ZFPM2: variants seen among roughly 807,000 people sequenced by gnomAD.
The protein encoded by ZFPM2 is zinc finger protein, FOG family member 2, also known as zinc finger protein ZFPM2.
ZFPM2 carries 20 observed loss-of-function variants against 98.6 expected under a neutral mutation model. The ratio of observed to expected loss-of-function variants is 0.20; its 90% CI spans 0.14 to 0.29. The LOEUF (loss-of-function observed/expected upper bound fraction) is 0.29. ZFPM2 is among the 10% of genes least tolerant of loss of function. The probability of loss-of-function intolerance (pLI) is 1.00; values close to 1 mark genes in which losing one functional copy is unlikely to be tolerated. For synonymous variants in ZFPM2, 518 were observed against 502.7 expected, an observed-to-expected ratio of 1.03 and a Z score of -0.41; for missense variants, 1,310 against 1,388.6, an observed-to-expected ratio of 0.94 and a Z score of 0.90.
rs1200657506 is a variant in ZFPM2 at position 105,320,359 on chromosome 8, G to C, written c.40+1378G>C. Among the ~76,000 whole-genome samples, 3 of 149,902 alleles carry C rather than the reference G, an allele frequency of 2.0e-5. No homozygotes were observed. In the East Asian group the frequency reaches 5.9e-4, roughly 29 times the overall value. On this transcript the variant is annotated intron_variant, in intron 1 of 7. Transcript: ENST00000407775. Reference sequence around the variant, plus strand: ...CTTCGATTCCTTCTCTTATACTTCAGTTCTCACTCTATGCAACTTGGGTTA... The same window carrying C: ...CTTCGATTCCTTCTCTTATACTTCACTTCTCACTCTATGCAACTTGGGTTA...
intron 5 of ZFPM2, among the ~76,000 whole-genome samples, chr8:105,721,769 T>C (rs1476352760): frequency 1.3e-5 from 2 of 151,946 alleles, no homozygotes; most frequent in Admixed American, 1.3e-4. Flanking sequence ...CTTAAGTAAT[T>C]TTCTCAGAAA....
chr8:105,789,524 G>T (rs1813533398), intron 6 of ZFPM2, among the ~76,000 whole-genome samples: 1 of 152,066 alleles, frequency 6.6e-6, no homozygotes, highest in Non-Finnish European at 1.5e-5. Context: ...TTCCTATTGT[G>T]AATAGTGCTG....
intron 3 of ZFPM2, among the ~76,000 whole-genome samples, chr8:105,527,181 C>T (rs1047808567): frequency 5.3e-5 from 8 of 152,170 alleles, no homozygotes; most frequent in African/African-American, 1.4e-4. Flanking sequence ...TTCTTAGGGA[C>T]GAGGTATGAT....
chr8:105,474,514 C>CT (rs1812974635), intron 3 of ZFPM2, among the ~76,000 whole-genome samples: 1 of 151,820 alleles, frequency 6.6e-6, no homozygotes, highest in Non-Finnish European at 1.5e-5. Flanking sequence ...CTCCTTTTTG[C>CT]TTTTCCTGTC....
intron 5 of ZFPM2, among the ~76,000 whole-genome samples, chr8:105,750,920 A>G (rs1490495371): frequency 6.6e-6 from 1 of 152,130 alleles, no homozygotes; most frequent in African/African-American, 2.4e-5. Flanking sequence ...CACCCAGGAT[A>G]TGTTAACACT....
intron 3 of ZFPM2, among the ~76,000 whole-genome samples, chr8:105,559,760 A>G (rs1815088238): frequency 6.6e-6 from 1 of 152,178 alleles, no homozygotes; most frequent in African/African-American, 2.4e-5. Flanking sequence ...AAGAAGAGAT[A>G]GAATTGAACT....
intron 2 of ZFPM2, among the ~76,000 whole-genome samples, chr8:105,429,605 C>G (rs1278012632): frequency 6.6e-6 from 1 of 151,198 alleles, no homozygotes; most frequent in African/African-American, 2.4e-5. Flanking sequence ...TTCTGTACTC[C>G]TATATTCTGT....
intron 2 of ZFPM2, among the ~76,000 whole-genome samples, chr8:105,419,589 CATTT>C (rs1203029264): frequency 2.6e-5 from 4 of 152,176 alleles, no homozygotes; most frequent in Non-Finnish European, 4.4e-5. Flanking sequence ...TAATGTTGAT[CATTT>C]ATTCATTCAT....
Position 105,448,111 on chromosome 8 carries a change from A to C in ZFPM2, c.301+3730A>C, listed in dbSNP as rs1306844709. ...ATGGTTTGAGTGAAAAGCTAGACAC[A>C]CTAAGCTGGTAGGGTTCAAGCCAAT... On this transcript the variant is annotated intron_variant, in intron 3 of 7. Transcript: ENST00000407775. Among the ~76,000 whole-genome samples the C allele has an allele frequency of 1.1e-4, 16 of 152,174 alleles. No individual in the cohort carries two copies. In the East Asian group the frequency reaches 3.1e-3, roughly 29 times the overall value.
intron 4 of ZFPM2, among the ~76,000 whole-genome samples, chr8:105,628,207 A>G (rs1445724682): frequency 1.3e-5 from 2 of 152,286 alleles, no homozygotes; most frequent in Non-Finnish European, 1.5e-5. Context: ...TACCAGTGGC[A>G]TGTGTCAGGA....
At chr8:105,441,194 A>T (rs1168487749) in intron 2 of ZFPM2, among the ~76,000 whole-genome samples, 1 of 151,136 alleles carries the variant, frequency 6.6e-6, no homozygotes, top group Non-Finnish European at 1.5e-5. Context: ...AAACCAAAAA[A>T]ACCCCTTGGA....
chr8:105,690,449 T>C (rs1810850962), intron 5 of ZFPM2, among the ~76,000 whole-genome samples: 1 of 152,072 alleles, frequency 6.6e-6, no homozygotes, highest in African/African-American at 2.4e-5. Flanking sequence ...TGGGCCAGTG[T>C]ATCGAGAAGG....
At chr8:105,333,401 C>G (rs185399238) in intron 1 of ZFPM2, among the ~76,000 whole-genome samples, 13 of 151,678 alleles carry the variant, frequency 8.6e-5, no homozygotes, top group Non-Finnish European at 1.8e-4. Context: ...CTCATGAGAT[C>G]GTCTTTGGTA....
chr8:105,570,031 G>A (rs1367482097), intron 4 of ZFPM2, among the ~76,000 whole-genome samples: 1 of 152,124 alleles, frequency 6.6e-6, no homozygotes, highest in Non-Finnish European at 1.5e-5. Flanking sequence ...AGTAGTGCAA[G>A]GACTTATAAC....
At chr8:105,476,188 C>T (rs912840425) in intron 3 of ZFPM2, among the ~76,000 whole-genome samples, 2 of 152,180 alleles carry the variant, frequency 1.3e-5, no homozygotes, top group Non-Finnish European at 2.9e-5. Flanking sequence ...CATTACTCTC[C>T]CGTAGTCCAC....
chr8:105,716,978 A>C (rs138290433), intron 5 of ZFPM2, among the ~76,000 whole-genome samples: 171 of 152,188 alleles, frequency 1.1e-3, no homozygotes, highest in African/African-American at 4.0e-3. Flanking sequence ...CCTTCATCTT[A>C]CTGGCACAGA....
intron 1 of ZFPM2, among the ~76,000 whole-genome samples, chr8:105,383,245 A>G (rs1563632598): frequency 6.6e-6 from 1 of 152,158 alleles, no homozygotes; most frequent in Non-Finnish European, 1.5e-5. Context: ...TTTCCCCAGG[A>G]TATTTCACTA....
At chr8:105,556,668 TCCCTTCCCCCTTCCCTTTTCC>T (rs1215029398) in intron 3 of ZFPM2, among the ~76,000 whole-genome samples, 143 of 150,398 alleles carry the variant, frequency 9.5e-4, no homozygotes, top group Non-Finnish European at 1.8e-3. Flanking sequence ...TTCCAGTTCT[TCCCTTCCCCCTTCCCTTTTCC>T]CCCTTCCCCC....
Position 105,524,453 on chromosome 8 carries a change from G to GGT in ZFPM2, c.302-36895_302-36894dup, listed in dbSNP as rs954229760. 1.3e-4 allele frequency among the ~76,000 whole-genome samples: 19 copies of GGT among 150,384 alleles called. No individual in the cohort carries two copies. The East Asian group carries it at 1.6e-3, about 12-fold the overall frequency. On this transcript the variant is annotated intron_variant, in intron 3 of 7. Coordinates refer to ENST00000407775, the MANE Select transcript of ZFPM2 (RefSeq NM_012082.4). Reference sequence around the variant, plus strand: ...CCTGGCAATCATAGAAACATTCTTGGGTGTGTGTGTGTGTGTATGTGTGTG... The same window carrying GGT: ...CCTGGCAATCATAGAAACATTCTTGGGTGTGTGTGTGTGTGTGTATGTGTGTG...
Sources: allele counts gnomAD v4.1 joint callset (sites outside exome capture counted in the v4.1 genomes callset), GRCh38; gene constraint gnomAD v4.1.1; transcripts MANE v1.5; gene names NCBI Gene and HGNC (gene_info 2026-07-23, HGNC 2026-07-21).